LCN2: variants seen among roughly 807,000 people sequenced by gnomAD.
The protein encoded by LCN2 is neutrophil gelatinase-associated lipocalin.
In LCN2, 27 loss-of-function variants were observed where a neutral mutation model predicts 26.4. The ratio of observed to expected loss-of-function variants is 1.02; its 90% CI spans 0.76 to 1.41. The LOEUF (loss-of-function observed/expected upper bound fraction) is 1.41. Ranked by LOEUF, LCN2 falls within the 40% of genes most tolerant of loss-of-function variation. LCN2 has a pLI of 0.00. For synonymous variants in LCN2, 94 were observed against 98.9 expected, an observed-to-expected ratio of 0.95 and a Z score of 0.30; for missense variants, 224 against 237.6, an observed-to-expected ratio of 0.94 and a Z score of 0.38.
chr9:128,153,215 C>T lies in LCN2; in HGVS notation c.*7+89C>T, dbSNP rs1829158513. The T allele has an allele frequency of 6.7e-7, 1 of 1,487,744 alleles. No individual in the cohort carries two copies. Among genetic ancestry groups the T allele is most frequent in the Non-Finnish European group, 9.3e-7 (1 of 1,069,860 alleles). The allele number at this position is 1,487,744 out of a possible 1,614,324, so 92.2% of individuals were successfully genotyped here. A position where few individuals can be genotyped will look rare whatever the true frequency, so the allele number is the denominator to read the frequency against. On this transcript the variant is annotated intron_variant, in intron 6 of 6. Coordinates refer to ENST00000277480, the MANE Select transcript of LCN2 (RefSeq NM_005564.5). This position sits in a 1 kb window ranked among gnomAD's most constrained non-coding sequence, Gnocchi z 5.4. ...CTTGGGCCTGCCTTTGCTCATCCCC[C>T]TGCCCCCCAGCACTGCTGCTGTCTT...
chr9:128,150,617 G>T, intron 2 of LCN2: 2 of 655,702 alleles, frequency 3.1e-6, no homozygotes, highest in South Asian at 3.0e-5. Context: ...GTGCCTGGGA[G>T]CGGGAGGAGG....
chr9:128,151,196 C>T (rs752527108), intron 2 of LCN2, among the ~76,000 whole-genome samples: 1 of 151,872 alleles, frequency 6.6e-6, no homozygotes, highest in Non-Finnish European at 1.5e-5. Context: ...AGGTTTGACC[C>T]GAGAGCTAGG....
In LCN2 at chr9:128,151,928, C is replaced by T. The variant is rs761702759; in HGVS notation, c.378C>T (p.Tyr126=). Residue 126 remains tyrosine, a synonymous_variant, in exon 4 of 7, where the codon TAC becomes TAT. Coordinates refer to ENST00000277480, the MANE Select transcript of LCN2 (RefSeq NM_005564.5). ...NIKSYPGLTS[Y]LVRVVSTNYN... The stretch of plus-strand genomic sequence containing the variant: ...CAGGTTACCCTGGATTAACGAGTTA[C>T]CTCGTCCGAGTGGTGAGCACCAACT... The T allele has an allele frequency of 7.4e-6, 12 of 1,614,110 alleles. No individual in the cohort carries two copies. In the South Asian group the frequency reaches 1.2e-4, roughly 16 times the overall value.
chr9:128,150,848 C>G (rs1162847865), intron 2 of LCN2, among the ~76,000 whole-genome samples: 2 of 152,226 alleles, frequency 1.3e-5, no homozygotes, highest in East Asian at 3.9e-4. Flanking sequence ...CACGCTAGCA[C>G]CTAGCACGGT....
chr9:128,152,688 C>A (rs1829148661), intron 5 of LCN2, among the ~76,000 whole-genome samples: 1 of 152,168 alleles, frequency 6.6e-6, no homozygotes, highest in African/African-American at 2.4e-5. Flanking sequence ...GTCCTCTCTC[C>A]CCTGGGGACT....
At position 128,152,146 on chromosome 9, in the gene LCN2, G is replaced by A. The variant is rs187621377; in HGVS notation, c.476-37G>A. On this transcript the variant is annotated intron_variant, in intron 4 of 6. Coordinates refer to ENST00000277480, the MANE Select transcript of LCN2 (RefSeq NM_005564.5). ...CTACTCATTCAACGATATTTATGTG[G>A]TGTCTGCCAGCCACTCACTGGCCAT... is the stretch of plus-strand genomic sequence containing the variant. The A allele has an allele frequency of 6.6e-5, 106 of 1,611,022 alleles. 2 individuals carry two copies. In the African/African-American group the frequency reaches 1.1e-3, roughly 17 times the overall value.
At position 128,149,580 on chromosome 9, in the gene LCN2, C is replaced by T. The variant is rs201536301; in HGVS notation, c.55C>T (p.Gln19Ter). Residue 19 changes from glutamine (Q) to a stop codon, truncating the protein, a stop_gained, in exon 1 of 7, where the codon CAG (glutamine) becomes TAG (stop). Transcript: ENST00000277480. LOFTEE classifies it high-confidence loss of function. ...GLALLGALHA[Q>*]AQDSTSDLIP... The stretch of plus-strand genomic sequence containing the variant: ...AGCCCTGTTGGGGGCTCTGCATGCC[C>T]AGGCCCAGGACTCCACCTCAGACCT... 4 of 1,614,010 alleles carry T rather than the reference C, an allele frequency of 2.5e-6. No individual in the cohort carries two copies. The highest frequency in any genetic ancestry group is 1.7e-4 in the Middle Eastern group (1 of 6,058).
Position 128,153,151 on chromosome 9 carries a change from G to T in LCN2, c.*7+25G>T. ...AGTGAGTGTGGCTGGGCGGCTGCGA[G>T]GGGGCTTGTGGGAGGCCAGGGTGCA... is the stretch of plus-strand genomic sequence containing the variant. On this transcript the variant is annotated intron_variant, in intron 6 of 6. Transcript: ENST00000277480. This position sits in a 1 kb window ranked among gnomAD's most constrained non-coding sequence, Gnocchi z 5.4. 1 of 1,613,792 alleles carries T rather than the reference G, an allele frequency of 6.2e-7. No individual in the cohort carries two copies. Among genetic ancestry groups the T allele is most frequent in the Non-Finnish European group, 8.5e-7 (1 of 1,179,920 alleles).
chr9:128,152,436 G>T, intron 5 of LCN2, 152 bp downstream of exon 5: 1 of 673,954 alleles, frequency 1.5e-6, no homozygotes, highest in South Asian at 1.9e-5. Context: ...GCCACTCTGG[G>T]CCCAGGAAGA....
Position 128,153,042 on chromosome 9 carries a change from ACT to A in LCN2, c.578-56_578-55del. On this transcript the variant is annotated intron_variant, in intron 5 of 6. Coordinates refer to ENST00000277480, the MANE Select transcript of LCN2 (RefSeq NM_005564.5). This position sits in a 1 kb window ranked among gnomAD's most constrained non-coding sequence, Gnocchi z 5.4. ...TGGCAGTCAGGGATCACACACACAC[ACT>A]CATACACGCACACACACACACAGCT... The A allele has an allele frequency of 6.2e-7, 1 of 1,612,516 alleles. No homozygotes were observed. Among genetic ancestry groups the A allele is most frequent in the Non-Finnish European group, 8.5e-7 (1 of 1,179,134 alleles).
In LCN2 at chr9:128,153,146, T is replaced by C; in HGVS notation, c.*7+20T>C. The C allele has an allele frequency of 6.2e-7, 1 of 1,613,898 alleles. No individual in the cohort carries two copies. The highest frequency in any genetic ancestry group is 1.1e-5 in the South Asian group (1 of 91,074). ...TGCACAGTGAGTGTGGCTGGGCGGC[T>C]GCGAGGGGGCTTGTGGGAGGCCAGG... On this transcript the variant is annotated intron_variant, in intron 6 of 6. Coordinates refer to ENST00000277480, the MANE Select transcript of LCN2 (RefSeq NM_005564.5). The surrounding 1 kb of genome is among the most constrained non-coding windows in gnomAD (Gnocchi z 5.4).
chr9:128,151,324 GGC>G (rs1433952483), intron 2 of LCN2: 826 of 566,272 alleles, frequency 1.5e-3, no homozygotes, highest in African/African-American at 0.014. Flanking sequence ...TGTGTTGGGT[GGC>G]GGGGGGGGTG....
At position 128,153,407 on chromosome 9, in the gene LCN2, G is replaced by A. The variant is rs1318632755; in HGVS notation, c.*104G>A. ...ATGCAGCTGCTCCCCAGGCCACCCC[G>A]CTGATGGAGCCCCACCTTGTCTGCT... is the stretch of plus-strand genomic sequence containing the variant. On this transcript the variant is annotated 3_prime_UTR_variant, in exon 7 of 7. Transcript: ENST00000277480. The surrounding 1 kb of genome is among the most constrained non-coding windows in gnomAD (Gnocchi z 5.4). 1.1e-5 allele frequency: 6 copies of A among 550,936 alleles called. No individual in the cohort carries two copies. The highest frequency in any genetic ancestry group is 2.0e-5 in the South Asian group (1 of 50,102). The allele number at this position is 550,936 out of a possible 1,614,324, so 34.1% of individuals were successfully genotyped here.
rs568419305 is a variant in LCN2, at chr9:128,151,794, C to A, written c.355+77C>A. 10 of 1,586,822 alleles carry A rather than the reference C, an allele frequency of 6.3e-6. No individual in the cohort carries two copies. The Admixed American group carries it at 1.5e-4, about 24-fold the overall frequency. ...AGGGGCACAGACCTTCCTGCCCCTC[C>A]ACACAGATGTGTTGTATGGGGAGAA... On this transcript the variant is annotated intron_variant, in intron 3 of 6. Coordinates refer to ENST00000277480, the MANE Select transcript of LCN2 (RefSeq NM_005564.5).
At chr9:128,149,712 G>C in intron 1 of LCN2, 49 bp downstream of exon 1, 1 of 1,607,032 alleles carries the variant, frequency 6.2e-7, no homozygotes. Context: ...GGAAGAGTGG[G>C]AGCAGAGGGG....
Position 128,153,217 on chromosome 9 carries a change from G to T in LCN2, c.*7+91G>T. 1 of 1,467,446 alleles carries T rather than the reference G, an allele frequency of 6.8e-7. No individual in the cohort carries two copies. Among genetic ancestry groups the T allele is most frequent in the South Asian group, 1.1e-5 (1 of 88,038 alleles). 90.9% of individuals were successfully genotyped at this position (1,467,446 alleles called of 1,614,324 possible). A position where few individuals can be genotyped will look rare whatever the true frequency, so the allele number is the denominator to read the frequency against. On this transcript the variant is annotated intron_variant, in intron 6 of 6. Transcript: ENST00000277480. This position sits in a 1 kb window ranked among gnomAD's most constrained non-coding sequence, Gnocchi z 5.4. ...TGGGCCTGCCTTTGCTCATCCCCCT[G>T]CCCCCCAGCACTGCTGCTGTCTTTA...
In LCN2 at chr9:128,153,016, C is replaced by T; in HGVS notation, c.578-84C>T. ...GCTGCCCAGGGGCAGTGCAGAGGACCTGGCAGTCAGGGATCACACACACAC... is the reference window on the plus strand; with the variant it reads ...GCTGCCCAGGGGCAGTGCAGAGGACTTGGCAGTCAGGGATCACACACACAC... On this transcript the variant is annotated intron_variant, in intron 5 of 6. Coordinates refer to ENST00000277480, the MANE Select transcript of LCN2 (RefSeq NM_005564.5). The surrounding 1 kb of genome is among the most constrained non-coding windows in gnomAD (Gnocchi z 5.4). The T allele has an allele frequency of 1.9e-6, 3 of 1,603,372 alleles. No individual in the cohort carries two copies. The highest frequency in any genetic ancestry group is 2.6e-6 in the Non-Finnish European group (3 of 1,171,328).
chr9:128,151,052 G>A (rs1835001822), intron 2 of LCN2, among the ~76,000 whole-genome samples: 1 of 152,156 alleles, frequency 6.6e-6, no homozygotes, highest in Non-Finnish European at 1.5e-5. Flanking sequence ...CGCCCCCAGT[G>A]GGTTTCTGAC....
chr9:128,152,455 C>T (rs756389447), intron 5 of LCN2, among the ~76,000 whole-genome samples, 171 bp downstream of exon 5: 6 of 152,182 alleles, frequency 3.9e-5, no homozygotes, highest in Non-Finnish European at 8.8e-5. Flanking sequence ...GACTGTGCCC[C>T]ACCCCAGGGT....
Sources: allele counts gnomAD v4.1 joint callset (sites outside exome capture counted in the v4.1 genomes callset), GRCh38; gene constraint gnomAD v4.1.1; non-coding constraint Gnocchi (gnomAD v3.1); transcripts MANE v1.5; gene names NCBI Gene and HGNC (gene_info 2026-07-23, HGNC 2026-07-21).